Variants in H3C1 observed in about 807,000 individuals in gnomAD.
H3C1 encodes the protein H3 clustered histone 1.
A neutral mutation model predicts 7.3 loss-of-function variants in H3C1; 14 were observed. The observed-to-expected ratio is 1.90, with a 90% CI of 1.26 to 2.98. The LOEUF (loss-of-function observed/expected upper bound fraction) is 2.98. Among genes scored for constraint, H3C1 ranks in the 30% most tolerant of loss-of-function variants. H3C1 has a pLI of 0.00. For synonymous variants in H3C1, 181 were observed against 76.0 expected, an observed-to-expected ratio of 2.38 and a Z score of -7.18; for missense variants, 326 against 192.2, an observed-to-expected ratio of 1.70 and a Z score of -4.12.
Position 26,020,591 on chromosome 6 carries a change from C to T in H3C1, c.102C>T (p.Gly34=), listed in dbSNP as rs753275705. 3.2e-5 allele frequency: 52 copies of T among 1,614,064 alleles called. No individual in the cohort carries two copies. The highest frequency in any genetic ancestry group is 4.2e-5 in the Non-Finnish European group (49 of 1,180,048). The change falls in exon 1 of 1, where the codon GGC becomes GGT. Residue 34 remains glycine (G), a synonymous_variant. Coordinates refer to ENST00000613854, the MANE Select transcript of H3C1 (RefSeq NM_003529.3). ...KAARKSAPAT[G]GVKKPHRYRP... ...CCCGCAAAAGCGCTCCGGCCACCGGCGGCGTGAAAAAGCCCCACCGCTACC... is the reference window on the plus strand; with the variant it reads ...CCCGCAAAAGCGCTCCGGCCACCGGTGGCGTGAAAAAGCCCCACCGCTACC...
chr6:26,020,646 C>A lies in H3C1; in HGVS notation c.157C>A (p.Arg53Ser), dbSNP rs1460908403. ...GGGCACCGTGGCTCTGCGCGAGATC[C>A]GCCGTTATCAGAAGTCCACTGAACT... ...RPGTVALREI[R>S]RYQKSTELLI... The change falls in exon 1 of 1, where the codon CGC becomes AGC. Residue 53 changes from arginine (R) to serine (S), a missense_variant. By Grantham distance (110) the Arg-to-Ser change is moderately radical. Coordinates refer to ENST00000613854, the MANE Select transcript of H3C1 (RefSeq NM_003529.3). 1.2e-6 allele frequency: 2 copies of A among 1,614,132 alleles called. No individual in the cohort carries two copies. The highest frequency in any genetic ancestry group is 1.7e-6 in the Non-Finnish European group (2 of 1,180,058).
chr6:26,020,846 TATC>T lies in H3C1; in HGVS notation c.360_362del (p.Ile120del). 1 of 1,614,146 alleles carries T rather than the reference TATC, an allele frequency of 6.2e-7. No individual in the cohort carries two copies. The highest frequency in any genetic ancestry group is 8.5e-7 in the Non-Finnish European group (1 of 1,180,018). On this transcript the variant is annotated inframe_deletion, in exon 1 of 1. Coordinates refer to ENST00000613854, the MANE Select transcript of H3C1 (RefSeq NM_003529.3). ...GCGCCATCCACGCCAAGCGCGTCAC[TATC>T]ATGCCCAAGGACATCCAGCTCGCCC...
chr6:26,020,499 A>C lies in H3C1; in HGVS notation c.10A>C (p.Thr4Pro). MAR[T>P]KQTARKSTGG... ...GTGCTGTTTTTCCGTCATGGCTCGC[A>C]CTAAGCAAACTGCTCGGAAGTCTAC... is the stretch of plus-strand genomic sequence containing the variant. Residue 4 changes from threonine (T) to proline (P), a missense_variant, in exon 1 of 1, where the codon ACT becomes CCT. Physicochemically the swap from Thr to Pro is conservative, Grantham distance 38 (BLOSUM62 -1). Transcript: ENST00000613854. 1 of 1,614,008 alleles carries C rather than the reference A, an allele frequency of 6.2e-7. No homozygotes were observed. The highest frequency in any genetic ancestry group is 8.5e-7 in the Non-Finnish European group (1 of 1,179,980).
rs752855452 is a variant in H3C1, at chr6:26,020,859, G to A, written c.370G>A (p.Asp124Asn). ...HAKRVTIMPKDIQLARRIRGE... is the reference protein window; with the variant it reads ...HAKRVTIMPKNIQLARRIRGE... ...CAAGCGCGTCACTATCATGCCCAAG[G>A]ACATCCAGCTCGCCCGCCGCATCCG... Residue 124 changes from aspartate to asparagine, a missense_variant, in exon 1 of 1, where the codon GAC becomes AAC. Coordinates refer to ENST00000613854, the MANE Select transcript of H3C1 (RefSeq NM_003529.3). The A allele has an allele frequency of 3.7e-6, 6 of 1,614,216 alleles. No individual in the cohort carries two copies. Among genetic ancestry groups the A allele is most frequent in the East Asian group, 2.2e-5 (1 of 44,886 alleles).
chr6:26,020,454 C>T lies in H3C1; in HGVS notation c.-36C>T, dbSNP rs200705096. 84 of 1,607,962 alleles carry T rather than the reference C, an allele frequency of 5.2e-5. No individual in the cohort carries two copies. The highest frequency in any genetic ancestry group is 1.2e-4 in the African/African-American group (9 of 74,518). Reference sequence around the variant, plus strand: ...AGAGCAGCTCATGGGCGTATTTGCGCTAGTGTTGGGTGTTCCGCTGTGCTG... The same window carrying T: ...AGAGCAGCTCATGGGCGTATTTGCGTTAGTGTTGGGTGTTCCGCTGTGCTG... On this transcript the variant is annotated 5_prime_UTR_variant, in exon 1 of 1. Transcript: ENST00000613854.
chr6:26,020,481 T>C lies in H3C1; in HGVS notation c.-9T>C, dbSNP rs370504250. Reference sequence around the variant, plus strand: ...AGTGTTGGGTGTTCCGCTGTGCTGTTTTTCCGTCATGGCTCGCACTAAGCA... The same window carrying C: ...AGTGTTGGGTGTTCCGCTGTGCTGTCTTTCCGTCATGGCTCGCACTAAGCA... On this transcript the variant is annotated 5_prime_UTR_variant, in exon 1 of 1. Transcript: ENST00000613854. 8 of 1,613,346 alleles carry C rather than the reference T, an allele frequency of 5.0e-6. No homozygotes were observed. The Admixed American group carries it at 5.0e-5, about 10-fold the overall frequency.
rs753726051 is a variant in H3C1 at position 26,020,812 on chromosome 6, C to G, written c.323C>G (p.Thr108Ser). ...EAYLVGLFED[T>S]NLCAIHAKRV... is the part of the protein sequence containing the mutation. Reference sequence around the variant, plus strand: ...TACTTGGTAGGGCTATTTGAGGACACTAACCTGTGCGCCATCCACGCCAAG... The same window carrying G: ...TACTTGGTAGGGCTATTTGAGGACAGTAACCTGTGCGCCATCCACGCCAAG... Residue 108 changes from threonine to serine, a missense_variant, in exon 1 of 1, where the codon ACT becomes AGT. Coordinates refer to ENST00000613854, the MANE Select transcript of H3C1 (RefSeq NM_003529.3). 5 of 1,614,252 alleles carry G rather than the reference C, an allele frequency of 3.1e-6. No homozygotes were observed. The Middle Eastern group carries it at 6.6e-4, about 213-fold the overall frequency.
Position 26,020,581 on chromosome 6 carries a change from C to T in H3C1, c.92C>T (p.Pro31Leu), listed in dbSNP as rs1417367986. ...LATKAARKSA[P>L]ATGGVKKPHR... ...ACTAAGGCAGCCCGCAAAAGCGCTC[C>T]GGCCACCGGCGGCGTGAAAAAGCCC... Residue 31 changes from proline (P) to leucine (L), a missense_variant, in exon 1 of 1, where the codon CCG becomes CTG. Transcript: ENST00000613854. 2.5e-6 allele frequency: 4 copies of T among 1,614,184 alleles called. No individual in the cohort carries two copies. The highest frequency in any genetic ancestry group is 1.3e-5 in the African/African-American group (1 of 75,052).
Position 26,020,506 on chromosome 6 carries a change from A to G in H3C1, c.17A>G (p.Gln6Arg). Residue 6 changes from glutamine (Q) to arginine (R), a missense_variant, in exon 1 of 1, where the codon CAA (glutamine) becomes CGA (arginine). Gln to Arg is a conservative substitution (Grantham distance 43). Transcript: ENST00000613854. Reference sequence around the variant, plus strand: ...TTTTCCGTCATGGCTCGCACTAAGCAAACTGCTCGGAAGTCTACTGGTGGC... The same window carrying G: ...TTTTCCGTCATGGCTCGCACTAAGCGAACTGCTCGGAAGTCTACTGGTGGC... MARTK[Q>R]TARKSTGGKA... The G allele has an allele frequency of 2.5e-6, 4 of 1,613,990 alleles. No individual in the cohort carries two copies. Among genetic ancestry groups the G allele is most frequent in the Non-Finnish European group, 3.4e-6 (4 of 1,179,942 alleles).
In H3C1 at chr6:26,020,615, C is replaced by T. The variant is rs773047553; in HGVS notation, c.126C>T (p.Tyr42=). ...GCGGCGTGAAAAAGCCCCACCGCTA[C>T]CGGCCGGGCACCGTGGCTCTGCGCG... ...ATGGVKKPHR[Y]RPGTVALREI... The change falls in exon 1 of 1, where the codon TAC becomes TAT. Residue 42 remains tyrosine, a synonymous_variant. Coordinates refer to ENST00000613854, the MANE Select transcript of H3C1 (RefSeq NM_003529.3). The T allele has an allele frequency of 3.7e-6, 6 of 1,614,216 alleles. No homozygotes were observed. The highest frequency in any genetic ancestry group is 5.1e-6 in the Non-Finnish European group (6 of 1,180,020).
At position 26,020,543 on chromosome 6, in the gene H3C1, C is replaced by G. The variant is rs573208814; in HGVS notation, c.54C>G (p.Arg18=). Residue 18 remains arginine, a synonymous_variant, in exon 1 of 1, where the codon CGC becomes CGG. Coordinates refer to ENST00000613854, the MANE Select transcript of H3C1 (RefSeq NM_003529.3). ...AGTCTACTGGTGGCAAGGCGCCACG[C>G]AAACAGTTGGCCACTAAGGCAGCCC... ...ARKSTGGKAP[R]KQLATKAARK... The G allele has an allele frequency of 6.2e-7, 1 of 1,614,130 alleles. No homozygotes were observed. Among genetic ancestry groups the G allele is most frequent in the Admixed American group, 1.7e-5 (1 of 60,024 alleles).
Position 26,020,497 on chromosome 6 carries a change from G to C in H3C1, c.8G>C (p.Arg3Pro), listed in dbSNP as rs759527823. 8.1e-6 allele frequency: 13 copies of C among 1,613,796 alleles called. No homozygotes were observed. Among genetic ancestry groups the C allele is most frequent in the Non-Finnish European group, 1.0e-5 (12 of 1,179,950 alleles). The change falls in exon 1 of 1, where the codon CGC (arginine) becomes CCC (proline). Residue 3 changes from arginine to proline, a missense_variant. By Grantham distance (103) the Arg-to-Pro change is moderately radical (BLOSUM62 -2). Transcript: ENST00000613854. MA[R>P]TKQTARKSTG... ...CTGTGCTGTTTTTCCGTCATGGCTC[G>C]CACTAAGCAAACTGCTCGGAAGTCT...
rs746104233 is a variant in H3C1, at chr6:26,020,909, GTC to G, written c.*15_*16del. 1.8e-4 allele frequency: 288 copies of G among 1,614,108 alleles called. No homozygotes were observed. Among genetic ancestry groups the G allele is most frequent in the East Asian group, 9.1e-4 (41 of 44,884 alleles). On this transcript the variant is annotated 3_prime_UTR_variant, in exon 1 of 1. Transcript: ENST00000613854. Reference sequence around the variant, plus strand: ...GCGGAGAGAGGGCGTGATTACTGTGGTCTCTCTGACGGTCCAAGCAAAGGCTC... The same window carrying G: ...GCGGAGAGAGGGCGTGATTACTGTGGTCTCTGACGGTCCAAGCAAAGGCTC...
Position 26,020,919 on chromosome 6 carries a change from C to CG in H3C1, c.*21dup, listed in dbSNP as rs1561914636. The CG allele has an allele frequency of 6.2e-7, 1 of 1,612,348 alleles. No homozygotes were observed. ...GGCGTGATTACTGTGGTCTCTCTGA[C>CG]GGTCCAAGCAAAGGCTCTTTTCAGA... On this transcript the variant is annotated 3_prime_UTR_variant, in exon 1 of 1. Coordinates refer to ENST00000613854, the MANE Select transcript of H3C1 (RefSeq NM_003529.3).
In H3C1 at chr6:26,020,828, C is replaced by T. The variant is rs781508847; in HGVS notation, c.339C>T (p.Ile113=). 85 of 1,614,122 alleles carry T rather than the reference C, an allele frequency of 5.3e-5. No individual in the cohort carries two copies. Among genetic ancestry groups the T allele is most frequent in the Non-Finnish European group, 6.8e-5 (80 of 1,180,052 alleles). The part of the protein sequence containing the change: ...GLFEDTNLCA[I]HAKRVTIMPK... ...TTGAGGACACTAACCTGTGCGCCAT[C>T]CACGCCAAGCGCGTCACTATCATGC... The change falls in exon 1 of 1, where the codon ATC becomes ATT. Residue 113 remains isoleucine, a synonymous_variant. Transcript: ENST00000613854.
Position 26,020,686 on chromosome 6 carries a change from TACCTTTCCAG to T in H3C1, c.198_207del (p.Pro67AlafsTer21), listed in dbSNP as rs758381733. ...TCCACTGAACTGCTTATTCGTAAACTACCTTTCCAGCGCCTGGTGCGCGAGATTGCGCAGG... is the reference window on the plus strand; with the variant it reads ...TCCACTGAACTGCTTATTCGTAAACTCGCCTGGTGCGCGAGATTGCGCAGG... On this transcript the variant is annotated frameshift_variant, in exon 1 of 1. Transcript: ENST00000613854. LOFTEE classifies it high-confidence loss of function. 6.2e-6 allele frequency: 10 copies of T among 1,614,140 alleles called. No individual in the cohort carries two copies. The African/African-American group carries it at 1.3e-4, about 22-fold the overall frequency.
chr6:26,020,956 TTC>T lies in H3C1; in HGVS notation c.*57_*58del. On this transcript the variant is annotated 3_prime_UTR_variant, in exon 1 of 1. Coordinates refer to ENST00000613854, the MANE Select transcript of H3C1 (RefSeq NM_003529.3). ...AGGCTCTTTTCAGAGCCACCACCTT[TTC>T]AAGTAAAGTAGCTGTAAGAAACCAA... is the stretch of plus-strand genomic sequence containing the variant. 1 of 1,574,558 alleles carries T rather than the reference TTC, an allele frequency of 6.4e-7. No homozygotes were observed. Among genetic ancestry groups the T allele is most frequent in the Non-Finnish European group, 8.6e-7 (1 of 1,157,766 alleles).
chr6:26,020,484 T>A lies in H3C1; in HGVS notation c.-6T>A. On this transcript the variant is annotated 5_prime_UTR_variant, in exon 1 of 1. Transcript: ENST00000613854. Reference sequence around the variant, plus strand: ...GTTGGGTGTTCCGCTGTGCTGTTTTTCCGTCATGGCTCGCACTAAGCAAAC... The same window carrying A: ...GTTGGGTGTTCCGCTGTGCTGTTTTACCGTCATGGCTCGCACTAAGCAAAC... 1 of 1,613,578 alleles carries A rather than the reference T, an allele frequency of 6.2e-7. No homozygotes were observed.
rs1761229570 is a variant in H3C1 at position 26,020,784 on chromosome 6, G to C, written c.295G>C (p.Ala99Pro). The C allele has an allele frequency of 1.2e-6, 2 of 1,614,122 alleles. No individual in the cohort carries two copies. The highest frequency in any genetic ancestry group is 1.3e-5 in the African/African-American group (1 of 74,934). ...AVMALQEACE[A>P]YLVGLFEDTN... ...GATGGCTCTGCAGGAGGCGTGCGAGGCCTACTTGGTAGGGCTATTTGAGGA... is the reference window on the plus strand; with the variant it reads ...GATGGCTCTGCAGGAGGCGTGCGAGCCCTACTTGGTAGGGCTATTTGAGGA... The change falls in exon 1 of 1, where the codon GCC becomes CCC. Residue 99 changes from alanine (A) to proline (P), a missense_variant. Coordinates refer to ENST00000613854, the MANE Select transcript of H3C1 (RefSeq NM_003529.3).
Sources: allele counts gnomAD v4.1 joint callset, GRCh38; gene constraint gnomAD v4.1.1; transcripts MANE v1.5; gene names NCBI Gene and HGNC (gene_info 2026-07-23, HGNC 2026-07-21).